The following ARHGEF28 variants were observed in gnomAD, a reference collection of about 807,000 sequenced individuals.
The protein encoded by ARHGEF28 is Rho guanine nucleotide exchange factor 28, also known as 190 kDa guanine nucleotide exchange factor.
A neutral mutation model predicts 206.6 loss-of-function variants in ARHGEF28; 152 were observed. That is an observed-to-expected ratio of 0.74 (90% CI 0.64 to 0.84). ARHGEF28 has a LOEUF of 0.84. Among genes scored for constraint, ARHGEF28 ranks in the 40% least tolerant of loss-of-function variants. The pLI is 0.00. For missense variants in ARHGEF28, 2,028 were observed against 2,073.2 expected, an observed-to-expected ratio of 0.98 and a Z score of 0.42; for synonymous variants, 763 against 776.4, an observed-to-expected ratio of 0.98 and a Z score of 0.29.
chr5:73,892,355 C>T, intron 27 of ARHGEF28, 125 bp downstream of exon 27: 2 of 1,062,442 alleles, frequency 1.9e-6, no homozygotes, highest in Middle Eastern at 2.3e-4. Context: ...GCCCCCTGCA[C>T]CTGCCTGCGA....
Position 73,752,921 on chromosome 5 carries a change from A to G in ARHGEF28, c.194A>G (p.Gln65Arg). The change falls in exon 4 of 36, where the codon CAG (glutamine) becomes CGG (arginine). Residue 65 changes from glutamine to arginine, a missense_variant. By Grantham distance (43) the Gln-to-Arg change is conservative. Coordinates refer to ENST00000513042, the MANE Select transcript of ARHGEF28 (RefSeq NM_001177693.2). ...LQSSVPGHGL[Q>R]ETVTVSVCLC... ...TCTTGTTGTCCAGGCCATGGGCTTC[A>G]GGAGACGGTGACGGTATCTGTGTGC... 1.2e-6 allele frequency: 2 copies of G among 1,613,840 alleles called. No homozygotes were observed. Among genetic ancestry groups the G allele is most frequent in the East Asian group, 2.2e-5 (1 of 44,864 alleles).
intron 2 of ARHGEF28, among the ~76,000 whole-genome samples, chr5:73,713,199 G>A (rs1361958289): frequency 6.6e-6 from 1 of 152,118 alleles, no homozygotes; most frequent in Non-Finnish European, 1.5e-5. Context: ...GTTTGTCAGT[G>A]GTCAGCCTGG....
intron 2 of ARHGEF28, among the ~76,000 whole-genome samples, chr5:73,698,275 C>A (rs776927063): frequency 6.6e-5 from 10 of 152,052 alleles, no homozygotes; most frequent in Non-Finnish European, 1.3e-4. Flanking sequence ...TAAAATACCC[C>A]ACCCCTTACC....
At chr5:73,858,037 T>G (rs757963489) in intron 15 of ARHGEF28, 50 bp from the exon 16 acceptor site, 1 of 1,555,862 alleles carries the variant, frequency 6.4e-7, no homozygotes, top group East Asian at 2.2e-5. Context: ...CACAGCGTTT[T>G]CCTTTTCTCA....
At chr5:73,845,986 C>CAAAAAAAAAAAAAAAAAAAAAAAAAAAA (rs57600570) in intron 11 of ARHGEF28, among the ~76,000 whole-genome samples, 1 of 63,766 alleles carries the variant, frequency 1.6e-5, no homozygotes, top group Non-Finnish European at 3.4e-5. Context: ...AAAACTGTCT[C>CAAAAAAAAAAAAAAAAAAAAAAAAAAAA]AAAAAAAAAA....
chr5:73,733,836 CT>C (rs778536165), intron 2 of ARHGEF28, among the ~76,000 whole-genome samples: 234 of 152,176 alleles, frequency 1.5e-3, no homozygotes, highest in Middle Eastern at 3.4e-3. Context: ...GTTCTGTAAG[CT>C]GTACAGGAAG....
intron 35 of ARHGEF28, among the ~76,000 whole-genome samples, chr5:73,927,878 A>G (rs2112006930): frequency 6.6e-6 from 1 of 152,358 alleles, no homozygotes; most frequent in South Asian, 2.1e-4. Flanking sequence ...TCTATATGTT[A>G]GGTTGTACTT....
intron 22 of ARHGEF28, among the ~76,000 whole-genome samples, chr5:73,880,465 G>C (rs1028722134): frequency 6.6e-6 from 1 of 152,184 alleles, no homozygotes; most frequent in Non-Finnish European, 1.5e-5. Context: ...GCACTCCCTA[G>C]TGAGATGAAC....
At chr5:73,737,492 C>CTTTTCTTTTT (rs1751045894) in intron 2 of ARHGEF28, among the ~76,000 whole-genome samples, 1 of 108,672 alleles carries the variant, frequency 9.2e-6, no homozygotes, top group Non-Finnish European at 1.8e-5. Context: ...CTTTTCTTTT[C>CTTTTCTTTTT]TTTTCTTTTC....
intron 9 of ARHGEF28, among the ~76,000 whole-genome samples, chr5:73,812,159 T>C (rs1219120042): frequency 6.6e-6 from 1 of 152,146 alleles, no homozygotes; most frequent in Non-Finnish European, 1.5e-5. Flanking sequence ...AATTTGAAAT[T>C]AAGTGGTCTC....
At position 73,832,476 on chromosome 5, in the gene ARHGEF28, A is replaced by T; in HGVS notation, c.1146+17A>T. 2 of 1,608,786 alleles carry T rather than the reference A, an allele frequency of 1.2e-6. No homozygotes were observed. The highest frequency in any genetic ancestry group is 1.7e-6 in the Non-Finnish European group (2 of 1,177,216). ...ATTGATCAGGTAAGGCCCAACTGAC[A>T]TTACAGGATGATTTCTACCTCTCTC... On this transcript the variant is annotated intron_variant, in intron 10 of 35. Coordinates refer to ENST00000513042, the MANE Select transcript of ARHGEF28 (RefSeq NM_001177693.2).
At chr5:73,627,826 G>C (rs1743102213) in intron 1 of ARHGEF28, among the ~76,000 whole-genome samples, 2 of 152,160 alleles carry the variant, frequency 1.3e-5, no homozygotes, top group African/African-American at 4.8e-5. Flanking sequence ...GTGTGACTCA[G>C]ATGAATGTCT....
chr5:73,776,539 G>A lies in ARHGEF28; in HGVS notation c.683G>A (p.Ser228Asn), dbSNP rs751737590. ...AGTTTTCAGGGCAGATGGTCCCCAA[G>A]CTTCTCCCGAGTGCAGCTCAGTGAA... ...VTNFQGRWSP[S>N]FSRVQLSEEA... is the part of the protein sequence containing the mutation. The change falls in exon 6 of 36, where the codon AGC (serine) becomes AAC (asparagine). Residue 228 changes from serine (S) to asparagine (N), a missense_variant. Coordinates refer to ENST00000513042, the MANE Select transcript of ARHGEF28 (RefSeq NM_001177693.2). 1 of 1,611,936 alleles carries A rather than the reference G, an allele frequency of 6.2e-7. No homozygotes were observed. Among genetic ancestry groups the A allele is most frequent in the East Asian group, 2.2e-5 (1 of 44,866 alleles).
intron 9 of ARHGEF28, among the ~76,000 whole-genome samples, chr5:73,799,495 A>G (rs979273292): frequency 1.3e-5 from 2 of 152,238 alleles, no homozygotes; most frequent in African/African-American, 4.8e-5. Context: ...CTCAGGGGGA[A>G]TTACAGAAGC....
chr5:73,921,469 TG>T (rs1288480088), intron 35 of ARHGEF28, among the ~76,000 whole-genome samples: 1 of 152,210 alleles, frequency 6.6e-6, no homozygotes, highest in Non-Finnish European at 1.5e-5. Context: ...ATTCTCTTTC[TG>T]GATAAGATAT....
intron 4 of ARHGEF28, among the ~76,000 whole-genome samples, chr5:73,763,134 GT>G (rs1752700067): frequency 6.6e-6 from 1 of 152,170 alleles, no homozygotes; most frequent in Admixed American, 6.5e-5. Flanking sequence ...TTGTCCATCT[GT>G]ATTCCTGGTT....
intron 2 of ARHGEF28, among the ~76,000 whole-genome samples, chr5:73,723,719 CCT>C (rs1375267807): frequency 3.3e-5 from 5 of 152,284 alleles, no homozygotes; most frequent in African/African-American, 1.2e-4. Flanking sequence ...TTCAAAATCT[CCT>C]CTGTCACCTC....
chr5:73,919,499 T>C (rs1763400483), intron 35 of ARHGEF28, among the ~76,000 whole-genome samples: 1 of 152,204 alleles, frequency 6.6e-6, no homozygotes, highest in South Asian at 2.1e-4. Context: ...AACACCCAAA[T>C]GTCAGATACT....
chr5:73,914,915 C>CT (rs925112150), intron 35 of ARHGEF28, among the ~76,000 whole-genome samples: 13 of 152,008 alleles, frequency 8.6e-5, no homozygotes, highest in South Asian at 6.2e-4. Flanking sequence ...TAATTTTTGG[C>CT]TTTTTTGTAG....
Sources: allele counts gnomAD v4.1 joint callset (sites outside exome capture counted in the v4.1 genomes callset), GRCh38; gene constraint gnomAD v4.1.1; transcripts MANE v1.5; gene names NCBI Gene and HGNC (gene_info 2026-07-23, HGNC 2026-07-21).